Variants in ATP9A observed in about 807,000 individuals in gnomAD.
ATP9A encodes ATPase phospholipid transporting 9A.
In ATP9A, 52 loss-of-function variants were observed where a neutral mutation model predicts 144.1. The ratio of observed to expected loss-of-function variants is 0.36; its 90% CI spans 0.29 to 0.45. The LOEUF is 0.45. ATP9A is among the 20% of genes least tolerant of loss of function. ATP9A has a pLI of 1.00. For synonymous variants in ATP9A, 582 were observed against 557.4 expected, an observed-to-expected ratio of 1.04 and a Z score of -0.62; for missense variants, 947 against 1,392.7, an observed-to-expected ratio of 0.68 and a Z score of 5.09.
intron 13 of ATP9A, among the ~76,000 whole-genome samples, chr20:51,665,800 T>G (rs2077430536): frequency 6.6e-6 from 1 of 152,042 alleles, no homozygotes; most frequent in Non-Finnish European, 1.5e-5. Flanking sequence ...CTGGTTATAG[T>G]TTTCTCTCCT....
intron 9 of ATP9A, among the ~76,000 whole-genome samples, chr20:51,677,052 G>A (rs1368807408): frequency 6.8e-6 from 1 of 147,898 alleles, no homozygotes; most frequent in African/African-American, 2.5e-5. Flanking sequence ...TCCCACTTCA[G>A]CCTCCCGAGT....
intron 15 of ATP9A, among the ~76,000 whole-genome samples, chr20:51,631,962 G>A (rs528527392): frequency 6.2e-4 from 94 of 152,340 alleles, no homozygotes; most frequent in Admixed American, 4.0e-3. Context: ...TGCACTGTGC[G>A]TGCACTCACA....
intron 19 of ATP9A, among the ~76,000 whole-genome samples, chr20:51,619,576 A>G (rs6067849): frequency 1.7e-3 from 148 of 86,560 alleles, no homozygotes; most frequent in East Asian, 2.8e-3. Flanking sequence ...AAAAAAAAAA[A>G]GGGGGGGGGG....
intron 13 of ATP9A, among the ~76,000 whole-genome samples, chr20:51,659,274 A>G (rs1297002923): frequency 6.6e-6 from 1 of 152,192 alleles, no homozygotes; most frequent in Non-Finnish European, 1.5e-5. Context: ...CATTGTCTAA[A>G]TTGGCCTATT....
At chr20:51,685,794 G>A (rs2077520625) in intron 9 of ATP9A, among the ~76,000 whole-genome samples, 1 of 152,124 alleles carries the variant, frequency 6.6e-6, no homozygotes, top group South Asian at 2.1e-4. Context: ...AAACCATTGT[G>A]GAAGACAGTG....
chr20:51,603,678 T>A (rs746930656), intron 27 of ATP9A, among the ~76,000 whole-genome samples: 2 of 152,148 alleles, frequency 1.3e-5, no homozygotes, highest in Admixed American at 1.3e-4. Flanking sequence ...CAAGAGTACC[T>A]GGAATCACTA....
At chr20:51,709,612 C>T (rs1192723429) in intron 4 of ATP9A, among the ~76,000 whole-genome samples, 1 of 152,112 alleles carries the variant, frequency 6.6e-6, no homozygotes, top group Non-Finnish European at 1.5e-5. Context: ...CCTGTAGTCC[C>T]AACTACTCGG....
chr20:51,643,124 T>C (rs912361005), intron 14 of ATP9A, among the ~76,000 whole-genome samples: 1 of 152,206 alleles, frequency 6.6e-6, no homozygotes. Context: ...AAATTTACAT[T>C]AGCAAGAAAT....
At chr20:51,632,173 G>A (rs1451490072) in intron 15 of ATP9A, among the ~76,000 whole-genome samples, 3 of 152,074 alleles carry the variant, frequency 2.0e-5, no homozygotes. Flanking sequence ...GGACTCGAGT[G>A]ACCTCAACCT....
At chr20:51,650,193 A>C (rs2077357923) in intron 14 of ATP9A, among the ~76,000 whole-genome samples, 1 of 152,208 alleles carries the variant, frequency 6.6e-6, no homozygotes, top group Non-Finnish European at 1.5e-5. Flanking sequence ...CTAAAAGCAA[A>C]GTGTAAAGCT....
Position 51,712,985 on chromosome 20 carries a change from G to A in ATP9A, c.417C>T (p.Tyr139=), listed in dbSNP as rs1166558880. Residue 139 remains tyrosine (Y), a synonymous_variant, in exon 4 of 28, where the codon TAC becomes TAT. Coordinates refer to ENST00000338821, the MANE Select transcript of ATP9A (RefSeq NM_006045.3). ...VRDKEVNSQV[Y]SRLTARGTVK... ...GCTGACCTCGTGCTGTGAGCCGGCTGTAGACCTGGGAGTTGACTTCCTTGT... is the reference window on the plus strand; with the variant it reads ...GCTGACCTCGTGCTGTGAGCCGGCTATAGACCTGGGAGTTGACTTCCTTGT... 1.9e-6 allele frequency: 3 copies of A among 1,612,102 alleles called. No homozygotes were observed. The highest frequency in any genetic ancestry group is 2.5e-6 in the Non-Finnish European group (3 of 1,179,170).
At chr20:51,731,959 C>G (rs2077743561) in intron 1 of ATP9A, among the ~76,000 whole-genome samples, 1 of 152,054 alleles carries the variant, frequency 6.6e-6, no homozygotes, top group Non-Finnish European at 1.5e-5. Flanking sequence ...GAGGAGCAAG[C>G]CACAAAGATG....
chr20:51,615,107 G>A (rs2077198312), intron 22 of ATP9A, among the ~76,000 whole-genome samples: 1 of 130,032 alleles, frequency 7.7e-6, no homozygotes, highest in African/African-American at 3.0e-5. Context: ...GGGGCGGGGG[G>A]TGGGGCGTGG....
chr20:51,676,102 G>A lies in ATP9A; in HGVS notation c.876+30C>T, dbSNP rs201394376. The A allele has an allele frequency of 2.5e-5, 39 of 1,578,638 alleles. No individual in the cohort carries two copies. In the East Asian group the frequency reaches 3.1e-4, roughly 13 times the overall value. ...CACCAGAACCAACCAGCCCACAGCC[G>A]GTCAATGTACCCCATGACCTCGTAC... On this transcript the variant is annotated intron_variant, in intron 10 of 27. Coordinates refer to ENST00000338821, the MANE Select transcript of ATP9A (RefSeq NM_006045.3).
chr20:51,611,292 C>G lies in ATP9A; in HGVS notation c.2572-1127G>C, dbSNP rs745511468. Among the ~76,000 whole-genome samples, 4 of 152,174 alleles carry G rather than the reference C, an allele frequency of 2.6e-5. No individual in the cohort carries two copies. The highest frequency in any genetic ancestry group is 5.9e-5 in the Non-Finnish European group (4 of 68,028). On this transcript the variant is annotated intron_variant, in intron 23 of 27. Transcript: ENST00000338821. This position sits in a 1 kb window ranked among gnomAD's most constrained non-coding sequence, Gnocchi z 4.2. The stretch of plus-strand genomic sequence containing the variant: ...CTGAGCGCCATGGCCACAGGAAGCC[C>G]CAGTTCGCCCTGGCTGCGCCGGAAA...
At chr20:51,726,663 C>T (rs907489533) in intron 2 of ATP9A, among the ~76,000 whole-genome samples, 2 of 152,054 alleles carry the variant, frequency 1.3e-5, no homozygotes. Flanking sequence ...ACTGCAGCCT[C>T]GAATTCCTGG....
intron 1 of ATP9A, among the ~76,000 whole-genome samples, chr20:51,767,007 G>A (rs527786003): frequency 6.6e-6 from 1 of 151,516 alleles, no homozygotes; most frequent in East Asian, 1.9e-4. Flanking sequence ...TATCAGTGAG[G>A]CCTCTTCTTC....
In ATP9A at chr20:51,753,483, ACAAC is replaced by A. The variant is rs1391357725; in HGVS notation, c.68+14815_68+14818del. On this transcript the variant is annotated intron_variant, in intron 1 of 27. Coordinates refer to ENST00000338821, the MANE Select transcript of ATP9A (RefSeq NM_006045.3). Reference sequence around the variant, plus strand: ...AACAACAACAACAACAACAACAACAACAACAAACCCACGTTCTACATGGTTCCTA... The same window carrying A: ...AACAACAACAACAACAACAACAACAAAAACCCACGTTCTACATGGTTCCTA... Among the ~76,000 whole-genome samples the A allele has an allele frequency of 4.6e-3, 668 of 145,258 alleles. 8 individuals carry two copies. The highest frequency in any genetic ancestry group is 0.017 in the African/African-American group (604 of 35,662).
At chr20:51,665,514 T>C (rs1299797205) in intron 13 of ATP9A, among the ~76,000 whole-genome samples, 1 of 151,562 alleles carries the variant, frequency 6.6e-6, no homozygotes, top group East Asian at 1.9e-4. Context: ...AAATCAGGAG[T>C]TCGAGGCCAG....
Sources: allele counts gnomAD v4.1 joint callset (sites outside exome capture counted in the v4.1 genomes callset), GRCh38; gene constraint gnomAD v4.1.1; non-coding constraint Gnocchi (gnomAD v3.1); transcripts MANE v1.5; gene names NCBI Gene and HGNC (gene_info 2026-07-23, HGNC 2026-07-21).